Variants in IL1RAPL2 observed in about 807,000 individuals in gnomAD.
IL1RAPL2 encodes the protein interleukin 1 receptor accessory protein like 2.
In IL1RAPL2, 3 loss-of-function variants were observed where a neutral mutation model predicts 44.1. The ratio of observed to expected loss-of-function variants is 0.07; its 90% CI spans 0.03 to 0.18. The LOEUF is 0.18. IL1RAPL2 is among the 10% of genes least tolerant of loss of function. IL1RAPL2 has a pLI of 1.00. For synonymous variants in IL1RAPL2, 181 were observed against 178.8 expected (o/e 1.01, Z -0.10); for missense variants, 391 against 496.4 (o/e 0.79, Z 2.02).
chrX:105,039,981 A>T (rs1254856831), intron 2 of IL1RAPL2, among the ~76,000 whole-genome samples: 1 of 110,396 alleles, frequency 9.1e-6, no homozygotes, highest in Non-Finnish European at 1.9e-5. Context: ...GAATGCTTCC[A>T]GTTTTTGCCC....
intron 2 of IL1RAPL2, among the ~76,000 whole-genome samples, chrX:104,811,861 T>A (rs1932984317): frequency 9.0e-6 from 1 of 110,936 alleles, no homozygotes; most frequent in South Asian, 3.9e-4. Context: ...CAGTGAAGGA[T>A]CTGATCACTG....
chrX:105,548,852 G>T (rs2036828865), intron 6 of IL1RAPL2, among the ~76,000 whole-genome samples: 1 of 112,006 alleles, frequency 8.9e-6, no homozygotes, highest in Non-Finnish European at 1.9e-5. Context: ...GCAAATAAAT[G>T]GTAGCTATTA....
chrX:105,139,124 C>G (rs985156856), intron 2 of IL1RAPL2, among the ~76,000 whole-genome samples: 1 of 111,727 alleles, frequency 9.0e-6, no homozygotes, highest in Non-Finnish European at 1.9e-5. Context: ...TCCGCCTGCT[C>G]CTTCTCCCAG....
intron 1 of IL1RAPL2, among the ~76,000 whole-genome samples, chrX:104,608,352 G>C (rs1459320415): frequency 9.0e-6 from 1 of 110,646 alleles, no homozygotes; most frequent in Non-Finnish European, 1.9e-5. Context: ...CGTTGTGTCT[G>C]CTTGGTCCAG....
chrX:104,852,636 A>G (rs2157116), intron 2 of IL1RAPL2, among the ~76,000 whole-genome samples: 6,068 of 111,691 alleles, frequency 0.054, 433 homozygotes, highest in African/African-American at 0.19. Context: ...TGACCTGAAG[A>G]AAAACTTGTA....
intron 6 of IL1RAPL2, among the ~76,000 whole-genome samples, chrX:105,573,527 C>T (rs956221619): frequency 9.0e-6 from 1 of 111,022 alleles, no homozygotes; most frequent in African/African-American, 3.3e-5. Context: ...GAAACTCATG[C>T]GAATGTTACC....
chrX:104,682,218 G>C (rs1930900769), intron 2 of IL1RAPL2, among the ~76,000 whole-genome samples: 1 of 111,703 alleles, frequency 9.0e-6, no homozygotes, highest in South Asian at 3.8e-4. Flanking sequence ...TGAAAATCAT[G>C]TTATAACTGT....
intron 2 of IL1RAPL2, among the ~76,000 whole-genome samples, chrX:105,091,662 T>A (rs1422673205): frequency 8.9e-6 from 1 of 112,051 alleles, no homozygotes; most frequent in East Asian, 2.8e-4. Context: ...CATATAGTCT[T>A]CTATTTTTTC....
intron 5 of IL1RAPL2, among the ~76,000 whole-genome samples, chrX:105,370,303 G>A (rs1413359834): frequency 1.8e-5 from 2 of 111,502 alleles, no homozygotes; most frequent in East Asian, 2.8e-4. Flanking sequence ...GGGGTTTGGT[G>A]TACAGATTAT....
chrX:105,318,341 G>C (rs1413755923), intron 5 of IL1RAPL2, among the ~76,000 whole-genome samples: 1 of 111,670 alleles, frequency 9.0e-6, no homozygotes, highest in Non-Finnish European at 1.9e-5. Flanking sequence ...TTTTATGTTA[G>C]AGAACTATGC....
chrX:104,899,656 G>A (rs1256460907), intron 2 of IL1RAPL2, among the ~76,000 whole-genome samples: 1 of 110,805 alleles, frequency 9.0e-6, no homozygotes, highest in African/African-American at 3.3e-5. Context: ...TGGTTTGACT[G>A]GTCTCTTCCC....
Position 105,348,571 on chromosome X carries a change from G to A in IL1RAPL2, c.697+81030G>A, listed in dbSNP as rs149333447. On this transcript the variant is annotated intron_variant, in intron 5 of 10. Coordinates refer to ENST00000372582, the MANE Select transcript of IL1RAPL2 (RefSeq NM_017416.2). ...TTACTAGCATAACATAAACTAAACT[G>A]CAAGCCCCATCTTAGTATGTTATGA... Among the ~76,000 whole-genome samples, 958 of 111,427 alleles carry A rather than the reference G, an allele frequency of 8.6e-3. 5 individuals are homozygous for A. Among genetic ancestry groups the A allele is most frequent in the Non-Finnish European group, 0.014 (765 of 53,101 alleles).
At chrX:104,864,773 A>C (rs1487590312) in intron 2 of IL1RAPL2, among the ~76,000 whole-genome samples, 1 of 111,604 alleles carries the variant, frequency 9.0e-6, no homozygotes, top group East Asian at 2.8e-4. Flanking sequence ...ATCCTTCCCC[A>C]GGAAGACCTC....
At chrX:105,307,467 A>G (rs1447868700) in intron 5 of IL1RAPL2, among the ~76,000 whole-genome samples, 7 of 68,569 alleles carry the variant, frequency 1.0e-4, no homozygotes, top group African/African-American at 4.1e-4. Context: ...TATATTATAT[A>G]TATTATATAT....
chrX:105,717,226 C>T, intron 6 of IL1RAPL2, 141 bp from the exon 7 acceptor site: 2 of 427,779 alleles, frequency 4.7e-6, no homozygotes, highest in East Asian at 4.6e-5. Context: ...AAATTTTTCC[C>T]AGGTACAATG....
intron 6 of IL1RAPL2, among the ~76,000 whole-genome samples, chrX:105,545,624 T>G (rs1035374996): frequency 8.9e-5 from 10 of 112,246 alleles, no homozygotes; most frequent in African/African-American, 3.2e-4. Flanking sequence ...GAATATGTAA[T>G]TCTAGCCTTC....
chrX:105,383,631 A>G (rs1241169797), intron 5 of IL1RAPL2, among the ~76,000 whole-genome samples: 1 of 112,037 alleles, frequency 8.9e-6, no homozygotes, highest in Non-Finnish European at 1.9e-5. Context: ...CTGCCCAGTA[A>G]TGAGATTGCT....
intron 6 of IL1RAPL2, among the ~76,000 whole-genome samples, chrX:105,651,699 T>C (rs1397465291): frequency 2.7e-5 from 3 of 111,548 alleles, no homozygotes. Flanking sequence ...CCCTCTTGGA[T>C]TGTTGAAAAC....
At chrX:105,124,825 G>A (rs1386278192) in intron 2 of IL1RAPL2, among the ~76,000 whole-genome samples, 2 of 110,344 alleles carry the variant, frequency 1.8e-5, no homozygotes, top group African/African-American at 3.3e-5. Context: ...TTTGAAAAAC[G>A]TGATTGTTCA....
Sources: allele counts gnomAD v4.1 joint callset (sites outside exome capture counted in the v4.1 genomes callset), GRCh38; gene constraint gnomAD v4.1.1; transcripts MANE v1.5; gene names NCBI Gene and HGNC (gene_info 2026-07-23, HGNC 2026-07-21).